Variants in CNTNAP5 observed in about 807,000 individuals in gnomAD.
CNTNAP5 encodes contactin-associated protein-like 5.
A neutral mutation model predicts 150.2 loss-of-function variants in CNTNAP5; 72 were observed. The ratio of observed to expected loss-of-function variants is 0.48; its 90% CI spans 0.40 to 0.58. The LOEUF (loss-of-function observed/expected upper bound fraction) is 0.58. Among genes scored for constraint, CNTNAP5 ranks in the 20% least tolerant of loss-of-function variants. The pLI is 0.00. For synonymous variants in CNTNAP5, 672 were observed against 619.8 expected, an observed-to-expected ratio of 1.08 and a Z score of -1.25; for missense variants, 1,636 against 1,626.2, an observed-to-expected ratio of 1.01 and a Z score of -0.10.
chr2:124,745,650 C>G (rs1442962906), intron 13 of CNTNAP5, among the ~76,000 whole-genome samples: 1 of 152,174 alleles, frequency 6.6e-6, no homozygotes, highest in East Asian at 1.9e-4. Context: ...TATAACTATT[C>G]TTTAAAAGAA....
intron 3 of CNTNAP5, among the ~76,000 whole-genome samples, chr2:124,254,439 T>G (rs1209373479): frequency 1.3e-5 from 2 of 152,188 alleles, no homozygotes; most frequent in African/African-American, 4.8e-5. Flanking sequence ...CAGTCCAGCC[T>G]TTCTCCTGTT....
chr2:124,430,556 A>G (rs1172972808), intron 4 of CNTNAP5, among the ~76,000 whole-genome samples: 1 of 152,194 alleles, frequency 6.6e-6, no homozygotes, highest in African/African-American at 2.4e-5. Flanking sequence ...TGAACAGAGC[A>G]GGATCATGTG....
intron 3 of CNTNAP5, among the ~76,000 whole-genome samples, chr2:124,266,840 C>T (rs1396883463): frequency 6.6e-6 from 1 of 152,086 alleles, no homozygotes; most frequent in Non-Finnish European, 1.5e-5. Flanking sequence ...TGTGTGCTAG[C>T]CTGGGAATGG....
Position 124,703,123 on chromosome 2 carries a change from C to T in CNTNAP5, c.2078-44106C>T, listed in dbSNP as rs544661755. Among the ~76,000 whole-genome samples, 19 of 150,566 alleles carry T rather than the reference C, an allele frequency of 1.3e-4. 1 individual carries two copies. The South Asian group carries it at 3.6e-3, about 29-fold the overall frequency. ...CCTTCCTTCCTTCCTCCCTCCCTCC[C>T]TCCCTGTCTCCCTCCCTCCCTTCTT... On this transcript the variant is annotated intron_variant, in intron 13 of 23. Coordinates refer to ENST00000682447, the MANE Select transcript of CNTNAP5 (RefSeq NM_001367498.1).
intron 6 of CNTNAP5, among the ~76,000 whole-genome samples, chr2:124,458,218 TATATAATAA>T (rs1693166373): frequency 7.2e-6 from 1 of 139,672 alleles, no homozygotes; most frequent in Admixed American, 7.2e-5. Context: ...ATATATAATA[TATATAATAA>T]ATATATATTA....
chr2:124,502,213 G>T (rs891445814), intron 7 of CNTNAP5, among the ~76,000 whole-genome samples: 2 of 152,166 alleles, frequency 1.3e-5, no homozygotes, highest in African/African-American at 4.8e-5. Context: ...TAGATTCTGA[G>T]CAACCCTGTA....
chr2:124,175,464 T>A (rs550307859), intron 1 of CNTNAP5, among the ~76,000 whole-genome samples: 46 of 152,284 alleles, frequency 3.0e-4, no homozygotes, highest in African/African-American at 1.0e-3. Context: ...TTATTTTAGA[T>A]TCATGGGGTA....
chr2:124,038,138 T>C (rs1366502836), intron 1 of CNTNAP5, among the ~76,000 whole-genome samples: 1 of 152,214 alleles, frequency 6.6e-6, no homozygotes, highest in Admixed American at 6.5e-5. Flanking sequence ...TCACCACTGA[T>C]TATCACTGAC....
chr2:124,464,258 A>C (rs1558914345), intron 6 of CNTNAP5, among the ~76,000 whole-genome samples: 1 of 152,104 alleles, frequency 6.6e-6, no homozygotes, highest in Non-Finnish European at 1.5e-5. Context: ...TTTCTAAATG[A>C]GGAGCACTAT....
At chr2:124,676,930 C>T (rs1209449494) in intron 13 of CNTNAP5, among the ~76,000 whole-genome samples, 1 of 151,564 alleles carries the variant, frequency 6.6e-6, no homozygotes, top group Non-Finnish European at 1.5e-5. Flanking sequence ...GAGGCCCTTC[C>T]TCCACCATCT....
At chr2:124,640,937 C>T (rs1233926216) in intron 12 of CNTNAP5, among the ~76,000 whole-genome samples, 1 of 151,700 alleles carries the variant, frequency 6.6e-6, no homozygotes, top group East Asian at 1.9e-4. Context: ...ACCAGCCTAA[C>T]CAACCTGGAA....
At chr2:124,258,320 A>G (rs1687365288) in intron 3 of CNTNAP5, among the ~76,000 whole-genome samples, 1 of 152,166 alleles carries the variant, frequency 6.6e-6, no homozygotes, top group Admixed American at 6.5e-5. Context: ...TTTGTACATG[A>G]CCAAAGATGA....
At chr2:124,858,244 A>G (rs1482322476) in intron 19 of CNTNAP5, among the ~76,000 whole-genome samples, 1 of 152,182 alleles carries the variant, frequency 6.6e-6, no homozygotes, top group Non-Finnish European at 1.5e-5. Context: ...GTATTCAATT[A>G]GGAAAAGAGG....
intron 3 of CNTNAP5, among the ~76,000 whole-genome samples, chr2:124,276,095 C>T (rs1041446957): frequency 6.6e-6 from 1 of 152,130 alleles, no homozygotes; most frequent in African/African-American, 2.4e-5. Context: ...AAACTTCACA[C>T]TGAAACACTC....
At chr2:124,286,659 C>A (rs979727625) in intron 3 of CNTNAP5, among the ~76,000 whole-genome samples, 1 of 152,188 alleles carries the variant, frequency 6.6e-6, no homozygotes, top group East Asian at 1.9e-4. Flanking sequence ...TGATGCTATT[C>A]TGTTGGCCTA....
At chr2:124,196,920 C>A (rs1050101119) in intron 1 of CNTNAP5, among the ~76,000 whole-genome samples, 1 of 152,162 alleles carries the variant, frequency 6.6e-6, no homozygotes, top group African/African-American at 2.4e-5. Context: ...ATGCAGTGAG[C>A]ACACACCTTC....
intron 1 of CNTNAP5, among the ~76,000 whole-genome samples, chr2:124,053,069 A>G (rs1265765009): frequency 7.2e-6 from 1 of 138,344 alleles, no homozygotes; most frequent in Admixed American, 8.4e-5. Flanking sequence ...AACCAGCCAC[A>G]TTATTCGGAA....
At chr2:124,741,855 T>C (rs190298139) in intron 13 of CNTNAP5, among the ~76,000 whole-genome samples, 1 of 152,250 alleles carries the variant, frequency 6.6e-6, no homozygotes, top group East Asian at 1.9e-4. Context: ...CTCTCACACA[T>C]ACATTCCCTC....
chr2:124,895,836 A>T lies in CNTNAP5; in HGVS notation c.3437-7046A>T, dbSNP rs1027487349. On this transcript the variant is annotated intron_variant, in intron 21 of 23. Coordinates refer to ENST00000682447, the MANE Select transcript of CNTNAP5 (RefSeq NM_001367498.1). ...GTGGGAGGAGGGAGGGGTGCTCCTTAGGAAGGTGCCCAAGGAAGTCCTCTG... is the reference window on the plus strand; with the variant it reads ...GTGGGAGGAGGGAGGGGTGCTCCTTTGGAAGGTGCCCAAGGAAGTCCTCTG... 4.0e-5 allele frequency among the ~76,000 whole-genome samples: 6 copies of T among 151,524 alleles called. 1 individual carries two copies. The highest frequency in any genetic ancestry group is 1.3e-4 in the Admixed American group (2 of 15,246).
Sources: allele counts gnomAD v4.1 joint callset (sites outside exome capture counted in the v4.1 genomes callset), GRCh38; gene constraint gnomAD v4.1.1; transcripts MANE v1.5; gene names NCBI Gene and HGNC (gene_info 2026-07-23, HGNC 2026-07-21).